NEBL: variants seen among roughly 807,000 people sequenced by gnomAD.
NEBL encodes LIM and SH3 protein 2.
Under a neutral mutation model 140.2 loss-of-function variants are expected in NEBL, and 122 were observed. The observed-to-expected ratio is 0.87, with a 90% confidence interval of 0.75 to 1.01. The LOEUF (loss-of-function observed/expected upper bound fraction) is 1.01. Ranked by LOEUF, NEBL falls within the 50% of genes least tolerant of loss-of-function variation. NEBL has a pLI of 0.00. For missense variants in NEBL, 1,365 were observed against 1,231.3 expected (o/e 1.11, Z -1.62); for synonymous variants, 436 against 398.9 (o/e 1.09, Z -1.11).
chr10:21,040,808 AGAGT>A (rs765896485), intron 2 of NEBL, among the ~76,000 whole-genome samples: 1 of 152,086 alleles, frequency 6.6e-6, no homozygotes, highest in South Asian at 2.1e-4. Flanking sequence ...TTTTCTTGTG[AGAGT>A]GAGTGAGTTC....
chr10:20,895,503 G>T (rs2131402306), intron 2 of NEBL, among the ~76,000 whole-genome samples: 1 of 152,198 alleles, frequency 6.6e-6, no homozygotes, highest in South Asian at 2.1e-4. Flanking sequence ...ATGAGAAAAA[G>T]CCTAGCGCCT....
At chr10:21,226,007 G>A (rs756282697) in intron 3 of NEBL, among the ~76,000 whole-genome samples, 22 of 152,124 alleles carry the variant, frequency 1.4e-4, no homozygotes, top group Non-Finnish European at 2.2e-4. Context: ...ACCTGAAGCC[G>A]GCACATCTCT....
intron 7 of NEBL, chr10:20,867,644 A>G (rs879931306): frequency 5.9e-5 from 9 of 152,084 alleles, no homozygotes; most frequent in African/African-American, 1.2e-4. Context: ...TGAAGATTTT[A>G]AAATTATTTT....
intron 9 of NEBL, among the ~76,000 whole-genome samples, chr10:20,857,329 T>C (rs1261791357): frequency 6.6e-6 from 1 of 152,188 alleles, no homozygotes; most frequent in Non-Finnish European, 1.5e-5. Flanking sequence ...AACTAAGTTT[T>C]GCCTATAGAT....
chr10:21,233,398 G>A (rs1842291885), intron 3 of NEBL, among the ~76,000 whole-genome samples: 1 of 152,010 alleles, frequency 6.6e-6, no homozygotes, highest in Non-Finnish European at 1.5e-5. Context: ...ATTCAGAATT[G>A]TAAGAGCATA....
At position 21,084,906 on chromosome 10, in the gene NEBL, T is replaced by C. The variant is rs560861699; in HGVS notation, c.165-64705A>G. Among the ~76,000 whole-genome samples the C allele has an allele frequency of 7.9e-5, 12 of 152,306 alleles. No homozygotes were observed. The South Asian group carries it at 1.7e-3, about 21-fold the overall frequency. On this transcript the variant is annotated intron_variant, in intron 2 of 6. Transcript: ENST00000417816. The stretch of plus-strand genomic sequence containing the variant: ...TTGGTCAACTCATTAGGAAGCTTGG[T>C]GGGGAGTTTACGCATGGCTAGCCCT...
Position 20,993,062 on chromosome 10 carries a change from C to T in NEBL, c.249+27055G>A, listed in dbSNP as rs556948457. Among the ~76,000 whole-genome samples, 6 of 152,016 alleles carry T rather than the reference C, an allele frequency of 3.9e-5. No homozygotes were observed. In the South Asian group the frequency reaches 1.2e-3, roughly 32 times the overall value. On this transcript the variant is annotated intron_variant, in intron 3 of 6. Transcript: ENST00000417816. ...CCTCCCAAAGTGCTGGGATTACAGT[C>T]GTGAGCCACCGCGCCTGGCCTGCAA... is the stretch of plus-strand genomic sequence containing the variant.
chr10:21,155,156 G>T (rs965847562), intron 2 of NEBL, among the ~76,000 whole-genome samples: 1 of 152,050 alleles, frequency 6.6e-6, no homozygotes, highest in Non-Finnish European at 1.5e-5. Context: ...CTGAGATCTC[G>T]CCACTGCACT....
upstream of NEBL, chr10:20,899,523 T>C: frequency 1.3e-6 from 1 of 799,796 alleles, no homozygotes; most frequent in South Asian, 1.8e-5. Flanking sequence ...ACGTGCAATG[T>C]GAACACAAAT....
intron 3 of NEBL, among the ~76,000 whole-genome samples, chr10:20,975,767 G>A (rs932811741): frequency 2.6e-5 from 4 of 152,100 alleles, no homozygotes; most frequent in African/African-American, 9.7e-5. Context: ...GCCCAACCTA[G>A]CACTAGCAAA....
intron 2 of NEBL, among the ~76,000 whole-genome samples, chr10:21,089,728 A>G (rs1836821715): frequency 6.6e-6 from 1 of 152,160 alleles, no homozygotes; most frequent in African/African-American, 2.4e-5. Flanking sequence ...ATGTGCTTCA[A>G]CAACAGAATC....
chr10:21,215,435 A>G (rs1841977858), intron 3 of NEBL, among the ~76,000 whole-genome samples: 1 of 152,234 alleles, frequency 6.6e-6, no homozygotes, highest in South Asian at 2.1e-4. Context: ...TAGCATCTGT[A>G]TTCAGGGAGC....
At chr10:21,260,941 G>T (rs1484300108) in intron 1 of NEBL, among the ~76,000 whole-genome samples, 1 of 152,198 alleles carries the variant, frequency 6.6e-6, no homozygotes, top group Non-Finnish European at 1.5e-5. Flanking sequence ...CCTCATGGTG[G>T]TGCACGGGAG....
intron 4 of NEBL, among the ~76,000 whole-genome samples, chr10:20,957,020 A>C (rs1835838890): frequency 6.6e-6 from 1 of 152,220 alleles, no homozygotes; most frequent in African/African-American, 2.4e-5. Flanking sequence ...ACATGGTTAC[A>C]GTCAGTCTCT....
intron 4 of NEBL, among the ~76,000 whole-genome samples, chr10:20,940,304 T>C (rs1005939915): frequency 1.3e-5 from 2 of 150,514 alleles, no homozygotes; most frequent in East Asian, 1.9e-4. Flanking sequence ...CTCAACTACA[T>C]GGAAACTGAA....
intron 3 of NEBL, among the ~76,000 whole-genome samples, chr10:20,987,449 C>G (rs1353038661): frequency 6.6e-6 from 1 of 152,142 alleles, no homozygotes; most frequent in African/African-American, 2.4e-5. Flanking sequence ...CTTCACCTTT[C>G]TTTGTGCTTT....
chr10:21,011,426 A>G (rs911953176), intron 3 of NEBL, among the ~76,000 whole-genome samples: 2 of 152,220 alleles, frequency 1.3e-5, no homozygotes, highest in Non-Finnish European at 2.9e-5. Context: ...CATCGGTTGC[A>G]TTGAGTCCAT....
intron 1 of NEBL, among the ~76,000 whole-genome samples, chr10:21,292,452 T>A (rs968593088): frequency 1.3e-5 from 2 of 152,192 alleles, no homozygotes; most frequent in Admixed American, 1.3e-4. Context: ...GAAGAAAATG[T>A]ATGGCTGGGG....
At chr10:21,023,696 A>AAAAT (rs374573842) in intron 2 of NEBL, among the ~76,000 whole-genome samples, 4,287 of 151,722 alleles carry the variant, frequency 0.028, 165 homozygotes, top group African/African-American at 0.088. Flanking sequence ...CTCCATCTCA[A>AAAAT]AAATAAATAA....
Sources: allele counts gnomAD v4.1 joint callset (sites outside exome capture counted in the v4.1 genomes callset), GRCh38; gene constraint gnomAD v4.1.1; transcripts MANE v1.5; gene names NCBI Gene and HGNC (gene_info 2026-07-23, HGNC 2026-07-21).